MAPK8: variants seen among roughly 807,000 people sequenced by gnomAD.
MAPK8 encodes mitogen-activated protein kinase 8.
MAPK8 carries 13 observed loss-of-function variants against 52.9 expected under a neutral mutation model. That is an observed-to-expected ratio of 0.25 (90% CI 0.16 to 0.39). The LOEUF (loss-of-function observed/expected upper bound fraction) is 0.39, where lower values mean the gene tolerates loss of function less well. Among genes scored for constraint, MAPK8 ranks in the 10% least tolerant of loss-of-function variants. MAPK8 has a pLI of 1.00. For synonymous variants in MAPK8, 191 were observed against 169.8 expected (o/e 1.12, Z -0.97); for missense variants, 300 against 519.2 (o/e 0.58, Z 4.10).
At position 48,391,890 on chromosome 10, in the gene MAPK8, C is replaced by A. The variant is rs186696671; in HGVS notation, c.-49-9722C>A. Among the ~76,000 whole-genome samples, 23 of 152,234 alleles carry A rather than the reference C, an allele frequency of 1.5e-4. No individual in the cohort carries two copies. In the East Asian group the frequency reaches 4.2e-3, roughly 28 times the overall value. On this transcript the variant is annotated intron_variant, in intron 1 of 11. Transcript: ENST00000374189. ...TACCAGTTTATTATAAAGGATATTA[C>A]AAAGGATGCAGATAATGAGATGCAT... is the stretch of plus-strand genomic sequence containing the variant.
At chr10:48,411,430 T>C (rs2042740422) in intron 5 of MAPK8, among the ~76,000 whole-genome samples, 1 of 152,236 alleles carries the variant, frequency 6.6e-6, no homozygotes. Context: ...CATAGATACA[T>C]GGTTTCATTT....
chr10:48,315,013 G>T lies in MAPK8; in HGVS notation c.-50+8192G>T, dbSNP rs541739873. ...TTTACAAAATTTCCACGTGTATTTG[G>T]TACCATTGTTTCCATTGACCCATCT... is the stretch of plus-strand genomic sequence containing the variant. On this transcript the variant is annotated intron_variant, in intron 1 of 11. Coordinates refer to ENST00000374189, the MANE Select transcript of MAPK8 (RefSeq NM_001323329.2). Among the ~76,000 whole-genome samples the T allele has an allele frequency of 2.2e-4, 34 of 152,130 alleles. No homozygotes were observed. The South Asian group carries it at 6.4e-3, about 29-fold the overall frequency.
chr10:48,323,816 G>A (rs1843215281), intron 1 of MAPK8, among the ~76,000 whole-genome samples: 2 of 152,158 alleles, frequency 1.3e-5, no homozygotes, highest in Admixed American at 6.5e-5. Flanking sequence ...TAAACTTTTT[G>A]AGGATAGGAA....
chr10:48,385,489 C>A (rs1330514626), intron 1 of MAPK8, among the ~76,000 whole-genome samples: 1 of 152,100 alleles, frequency 6.6e-6, no homozygotes, highest in Non-Finnish European at 1.5e-5. Flanking sequence ...ATCGTAAATC[C>A]CTTTTGTAGA....
intron 1 of MAPK8, among the ~76,000 whole-genome samples, chr10:48,334,426 G>A (rs1242282295): frequency 6.6e-6 from 1 of 152,022 alleles, no homozygotes; most frequent in African/African-American, 2.4e-5. Flanking sequence ...TCTGGGATAC[G>A]TCTCAGTCAC....
chr10:48,381,831 A>C (rs79533375), intron 1 of MAPK8, among the ~76,000 whole-genome samples: 3,482 of 152,308 alleles, frequency 0.023, 144 homozygotes, highest in African/African-American at 0.08. Flanking sequence ...AAAACTTTAA[A>C]CTACTGAAAA....
At chr10:48,343,579 C>G (rs528736061) in intron 1 of MAPK8, among the ~76,000 whole-genome samples, 3 of 152,180 alleles carry the variant, frequency 2.0e-5, no homozygotes, top group African/African-American at 7.2e-5. Context: ...AATTGATCAG[C>G]AATGTCAGGT....
chr10:48,373,406 C>G (rs1163448573), intron 1 of MAPK8, among the ~76,000 whole-genome samples: 1 of 151,478 alleles, frequency 6.6e-6, no homozygotes, highest in Non-Finnish European at 1.5e-5. Flanking sequence ...TAAGGGTAAA[C>G]AGACTAAATG....
At chr10:48,340,073 T>C (rs1286065714) in intron 1 of MAPK8, among the ~76,000 whole-genome samples, 1 of 152,158 alleles carries the variant, frequency 6.6e-6, no homozygotes, top group African/African-American at 2.4e-5. Flanking sequence ...GGAAGAGAAA[T>C]GGTTTTATCA....
intron 1 of MAPK8, among the ~76,000 whole-genome samples, chr10:48,376,444 G>T (rs1376794946): frequency 2.0e-5 from 3 of 152,150 alleles, no homozygotes; most frequent in African/African-American, 7.2e-5. Flanking sequence ...GAGTGAACAA[G>T]CAGCCTACAG....
chr10:48,372,810 A>G (rs983068818), intron 1 of MAPK8, among the ~76,000 whole-genome samples: 1 of 152,230 alleles, frequency 6.6e-6, no homozygotes, highest in Admixed American at 6.5e-5. Flanking sequence ...AACACTCTTC[A>G]GGATATTATC....
chr10:48,339,684 C>CTAGCAGCA (rs1845045817), intron 1 of MAPK8, among the ~76,000 whole-genome samples: 1 of 151,946 alleles, frequency 6.6e-6, no homozygotes, highest in Non-Finnish European at 1.5e-5. Context: ...GGACTGATAT[C>CTAGCAGCA]CATAATAAAT....
intron 5 of MAPK8, among the ~76,000 whole-genome samples, chr10:48,413,790 C>A (rs1322668307): frequency 4.5e-5 from 5 of 110,966 alleles, no homozygotes; most frequent in Admixed American, 3.0e-4. Flanking sequence ...ACCAAGTTAC[C>A]AAAATTGAGT....
chr10:48,326,475 G>A (rs999826847), intron 1 of MAPK8, among the ~76,000 whole-genome samples: 7 of 152,046 alleles, frequency 4.6e-5, no homozygotes, highest in African/African-American at 1.4e-4. Flanking sequence ...GGGATCAGCC[G>A]TTTCTCTAAG....
At position 48,345,172 on chromosome 10, in the gene MAPK8, G is replaced by A. The variant is rs77581030; in HGVS notation, c.-50+38351G>A. Among the ~76,000 whole-genome samples the A allele has an allele frequency of 6.8e-4, 104 of 152,184 alleles. 1 individual carries two copies. In the East Asian group the frequency reaches 0.017, roughly 25 times the overall value. ...CATTGTCTCTGAGAGTAAAGTATTC[G>A]GAGAATAAGCAAGACCATAGGAGAT... On this transcript the variant is annotated intron_variant, in intron 1 of 11. Coordinates refer to ENST00000374189, the MANE Select transcript of MAPK8 (RefSeq NM_001323329.2).
At chr10:48,338,875 C>A (rs1379801612) in intron 1 of MAPK8, among the ~76,000 whole-genome samples, 1 of 151,660 alleles carries the variant, frequency 6.6e-6, no homozygotes, top group East Asian at 1.9e-4. Flanking sequence ...TTACATTTAA[C>A]CAAGGAAGGG....
chr10:48,394,807 A>C (rs2132889620), intron 1 of MAPK8, among the ~76,000 whole-genome samples: 1 of 152,032 alleles, frequency 6.6e-6, no homozygotes, highest in Non-Finnish European at 1.5e-5. Flanking sequence ...AGAAAATCCC[A>C]ATACACAAAA....
chr10:48,318,622 G>A (rs1842716605), intron 1 of MAPK8, among the ~76,000 whole-genome samples: 1 of 152,192 alleles, frequency 6.6e-6, no homozygotes, highest in East Asian at 1.9e-4. Flanking sequence ...TTAACTTTGG[G>A]TGTGGGCTTC....
chr10:48,357,853 C>G (rs959894382), intron 1 of MAPK8, among the ~76,000 whole-genome samples: 1 of 152,198 alleles, frequency 6.6e-6, no homozygotes, highest in Non-Finnish European at 1.5e-5. Flanking sequence ...TACGTAGTCA[C>G]TCCTCATTCC....
Sources: allele counts gnomAD v4.1 joint callset (sites outside exome capture counted in the v4.1 genomes callset), GRCh38; gene constraint gnomAD v4.1.1; transcripts MANE v1.5; gene names NCBI Gene and HGNC (gene_info 2026-07-23, HGNC 2026-07-21).